The following PNMT variants were observed in gnomAD, a reference collection of about 807,000 sequenced individuals.
The protein encoded by PNMT is noradrenaline N-methyltransferase.
In PNMT, 18 loss-of-function variants were observed where a neutral mutation model predicts 18.9. The observed-to-expected ratio is 0.95, with a 90% confidence interval of 0.66 to 1.41. The LOEUF is 1.41. PNMT is among the 40% of genes most tolerant of loss of function. The pLI is 0.00. For missense variants in PNMT, 378 were observed against 387.0 expected, an observed-to-expected ratio of 0.98 and a Z score of 0.20; for synonymous variants, 167 against 168.6, an observed-to-expected ratio of 0.99 and a Z score of 0.08.
intron 1 of PNMT, 90 bp downstream of exon 1, chr17:39,668,767 G>C (rs2057275224): frequency 4.7e-6 from 5 of 1,066,770 alleles, no homozygotes; most frequent in South Asian, 3.2e-5. Flanking sequence ...AAGGGAGACA[G>C]ACCAGGCGCC....
At position 39,669,625 on chromosome 17, in the gene PNMT, C is replaced by T. The variant is rs13306008; in HGVS notation, c.203-4C>T. ...CCAGGACCCTCTTCCTCTGCCCTGC[C>T]CAGGTGAAGTGTCCGGACGCACCCT... is the stretch of plus-strand genomic sequence containing the variant. On this transcript the variant is annotated splice_region_variant and splice_polypyrimidine_tract_variant and intron_variant, in intron 1 of 2. Transcript: ENST00000269582. The T allele has an allele frequency of 3.3e-5, 54 of 1,613,302 alleles. No homozygotes were observed. In the East Asian group the frequency reaches 1.2e-3, roughly 35 times the overall value.
chr17:39,668,370 C>G, upstream of PNMT: 2 of 936,700 alleles, frequency 2.1e-6, no homozygotes, highest in Non-Finnish European at 2.9e-6. Flanking sequence ...CCGGGCGGCT[C>G]GGCGGTCAGC....
rs2057273911 is a variant in PNMT at position 39,668,600 on chromosome 17, C to G, written c.125C>G (p.Pro42Arg). The G allele has an allele frequency of 1.2e-6, 2 of 1,604,004 alleles. No homozygotes were observed. The highest frequency in any genetic ancestry group is 3.3e-5 in the Admixed American group (2 of 59,706). ...GCCTACCTCCGCAACAACTACGCGC[C>G]CCCTCGCGGGGACCTGTGCAACCCG... Reference protein sequence around the residue: ...PRAYLRNNYAPPRGDLCNPNG... With the variant: ...PRAYLRNNYARPRGDLCNPNG... The change falls in exon 1 of 3, where the codon CCC becomes CGC. Residue 42 changes from proline (P) to arginine (R), a missense_variant. Coordinates refer to ENST00000269582, the MANE Select transcript of PNMT (RefSeq NM_002686.4).
Position 39,670,260 on chromosome 17 carries a change from G to C in PNMT, c.720G>C (p.Arg240Ser), listed in dbSNP as rs2057288435. The C allele has an allele frequency of 6.2e-7, 1 of 1,609,482 alleles. No individual in the cohort carries two copies. Among genetic ancestry groups the C allele is most frequent in the South Asian group, 1.1e-5 (1 of 90,398 alleles). Residue 240 changes from arginine (R) to serine (S), a missense_variant, in exon 3 of 3, where the codon AGG (arginine) becomes AGC (serine). Physicochemically the swap from Arg to Ser is moderately radical, Grantham distance 110. Transcript: ENST00000269582. ...TVVPVSEEEV[R>S]EALVRSGYKV... ...TGCCAGTGTCTGAGGAGGAGGTGAG[G>C]GAGGCCCTGGTGCGTAGTGGCTACA... is the stretch of plus-strand genomic sequence containing the variant.
In PNMT at chr17:39,669,303, G is replaced by A. The variant is rs564391893; in HGVS notation, c.203-326G>A. ...TCTCCATGTTGGTCAGGCTGGTCTC[G>A]AACTCCCAACCTTAGGATCCACCCA... is the stretch of plus-strand genomic sequence containing the variant. On this transcript the variant is annotated intron_variant, in intron 1 of 2. Transcript: ENST00000269582. Among the ~76,000 whole-genome samples, 4 of 152,100 alleles carry A rather than the reference G, an allele frequency of 2.6e-5. No homozygotes were observed. The South Asian group carries it at 8.3e-4, about 32-fold the overall frequency.
At chr17:39,668,765 C>A in intron 1 of PNMT, 88 bp downstream of exon 1, 1 of 1,084,732 alleles carries the variant, frequency 9.2e-7, no homozygotes, top group Non-Finnish European at 1.3e-6. Context: ...GAAAGGGAGA[C>A]AGACCAGGCG....
In PNMT at chr17:39,670,097, C is replaced by A; in HGVS notation, c.557C>A (p.Ala186Asp). 6.2e-7 allele frequency: 1 copy of A among 1,610,104 alleles called. No homozygotes were observed. The change falls in exon 3 of 3, where the codon GCT (alanine) becomes GAT (aspartate). Residue 186 changes from alanine to aspartate, a missense_variant. Ala to Asp is a moderately radical substitution (Grantham distance 126). Transcript: ENST00000269582. ...DALVSAFCLEAVSPDLASFQR... is the reference protein window; with the variant it reads ...DALVSAFCLEDVSPDLASFQR... ...CTGGTCTCTGCCTTCTGCTTGGAGGCTGTGAGCCCAGATCTTGCCAGCTTT... is the reference window on the plus strand; with the variant it reads ...CTGGTCTCTGCCTTCTGCTTGGAGGATGTGAGCCCAGATCTTGCCAGCTTT...
In PNMT at chr17:39,670,263, G is replaced by C. The variant is rs1183805156; in HGVS notation, c.723G>C (p.Glu241Asp). 6.2e-7 allele frequency: 1 copy of C among 1,609,612 alleles called. No individual in the cohort carries two copies. The highest frequency in any genetic ancestry group is 1.3e-5 in the African/African-American group (1 of 74,832). The change falls in exon 3 of 3, where the codon GAG becomes GAC. Residue 241 changes from glutamate to aspartate, a missense_variant. Physicochemically the swap from Glu to Asp is conservative, Grantham distance 45. Coordinates refer to ENST00000269582, the MANE Select transcript of PNMT (RefSeq NM_002686.4). ...CAGTGTCTGAGGAGGAGGTGAGGGA[G>C]GCCCTGGTGCGTAGTGGCTACAAGG... ...VVPVSEEEVR[E>D]ALVRSGYKVR...
chr17:39,670,039 G>C lies in PNMT; in HGVS notation c.499G>C (p.Ala167Pro), dbSNP rs1444125569. 1 of 1,606,460 alleles carries C rather than the reference G, an allele frequency of 6.2e-7. No homozygotes were observed. Among genetic ancestry groups the C allele is most frequent in the Admixed American group, 1.7e-5 (1 of 60,016 alleles). The stretch of plus-strand genomic sequence containing the variant: ...CGTGCACCAGCCCCAGCCCCTGGGT[G>C]CTGGGAGCCCAGCTCCCCTGCCTGC... ...IDVHQPQPLG[A>P]GSPAPLPADA... Residue 167 changes from alanine to proline, a missense_variant, in exon 3 of 3, where the codon GCT becomes CCT. Physicochemically the swap from Ala to Pro is conservative, Grantham distance 27. Coordinates refer to ENST00000269582, the MANE Select transcript of PNMT (RefSeq NM_002686.4).
At chr17:39,668,374 G>A, upstream of PNMT, 1 of 996,688 alleles carries the variant, frequency 1.0e-6, no homozygotes, top group Non-Finnish European at 1.3e-6. Flanking sequence ...GCGGCTCGGC[G>A]GTCAGCTGCC....
rs1156601187 is a variant in PNMT, at chr17:39,668,459, C to A, written c.-17C>A. ...GCCGCGAGGCGAGCGGGGCACTGGG[C>A]GGACCGCGGCGGCAGCATGAGCGGC... On this transcript the variant is annotated 5_prime_UTR_variant, in exon 1 of 3. Coordinates refer to ENST00000269582, the MANE Select transcript of PNMT (RefSeq NM_002686.4). The A allele has an allele frequency of 2.2e-6, 3 of 1,391,012 alleles. No individual in the cohort carries two copies. The African/African-American group carries it at 4.5e-5, about 21-fold the overall frequency. 86.2% of individuals were successfully genotyped at this position (1,391,012 alleles called of 1,614,324 possible).
intron 1 of PNMT, 42 bp downstream of exon 1, chr17:39,668,719 G>T: frequency 6.7e-7 from 1 of 1,485,210 alleles, no homozygotes; most frequent in Non-Finnish European, 9.2e-7. Flanking sequence ...AGAGGTCGTC[G>T]GGGAGTGAAA....
At position 39,670,442 on chromosome 17, in the gene PNMT, G is replaced by T; in HGVS notation, c.*53G>T. 1 of 1,363,244 alleles carries T rather than the reference G, an allele frequency of 7.3e-7. No individual in the cohort carries two copies. Among genetic ancestry groups the T allele is most frequent in the South Asian group, 1.4e-5 (1 of 70,354 alleles). 84.4% of individuals were successfully genotyped at this position (1,363,244 alleles called of 1,614,324 possible). A position where few individuals can be genotyped will look rare whatever the true frequency, so the allele number is the denominator to read the frequency against. On this transcript the variant is annotated 3_prime_UTR_variant, in exon 3 of 3. Transcript: ENST00000269582. ...CACCCACCTGGATTCCCTGTTCTTTGAAGTGGCACCTAATAAAGAAATAAT... is the reference window on the plus strand; with the variant it reads ...CACCCACCTGGATTCCCTGTTCTTTTAAGTGGCACCTAATAAAGAAATAAT...
Position 39,670,302 on chromosome 17 carries a change from C to A in PNMT, c.762C>A (p.Arg254=). Residue 254 remains arginine (R), a synonymous_variant, in exon 3 of 3, where the codon CGC becomes CGA. Transcript: ENST00000269582. ...GTGGCTACAAGGTCCGGGACCTCCGCACCTATATCATGCCTGCCCACCTTC... is the reference window on the plus strand; with the variant it reads ...GTGGCTACAAGGTCCGGGACCTCCGAACCTATATCATGCCTGCCCACCTTC... The part of the protein sequence containing the change: ...VRSGYKVRDL[R]TYIMPAHLQT... 6.2e-7 allele frequency: 1 copy of A among 1,610,752 alleles called. No individual in the cohort carries two copies.
In PNMT at chr17:39,668,489, A is replaced by C. The variant is rs1279697352; in HGVS notation, c.14A>C (p.Asp5Ala). The C allele has an allele frequency of 2.7e-6, 4 of 1,502,962 alleles. No homozygotes were observed. Among genetic ancestry groups the C allele is most frequent in the Admixed American group, 2.1e-5 (1 of 47,444 alleles). 93.1% of individuals were successfully genotyped at this position (1,502,962 alleles called of 1,614,324 possible). MSGA[D>A]RSPNAGAAPD... ...CGCGGCGGCAGCATGAGCGGCGCAG[A>C]CCGTAGCCCCAATGCGGGCGCAGCC... Residue 5 changes from aspartate (D) to alanine (A), a missense_variant, in exon 1 of 3, where the codon GAC (aspartate) becomes GCC (alanine). Asp to Ala is a moderately radical substitution (Grantham distance 126). Transcript: ENST00000269582.
rs1328865950 is a variant in PNMT at position 39,668,534 on chromosome 17, A to G, written c.59A>G (p.Gln20Arg). The change falls in exon 1 of 3, where the codon CAG becomes CGG. Residue 20 changes from glutamine to arginine, a missense_variant. Physicochemically the swap from Gln to Arg is conservative, Grantham distance 43. Transcript: ENST00000269582. ...GCAGCCCCTGACTCGGCCCCGGGCC[A>G]GGCGGCGGTGGCTTCGGCCTACCAG... is the stretch of plus-strand genomic sequence containing the variant. ...AGAAPDSAPG[Q>R]AAVASAYQRF... The G allele has an allele frequency of 4.5e-6, 7 of 1,545,928 alleles. No individual in the cohort carries two copies. Among genetic ancestry groups the G allele is most frequent in the Non-Finnish European group, 6.1e-6 (7 of 1,151,988 alleles).
intron 1 of PNMT, among the ~76,000 whole-genome samples, 176 bp from the exon 2 acceptor site, chr17:39,669,453 G>GT (rs2057279808): frequency 6.6e-6 from 1 of 152,224 alleles, no homozygotes; most frequent in South Asian, 2.1e-4. Context: ...GGCAGCCCAT[G>GT]TTGGAGCTGG....
chr17:39,668,361 C>G (rs1438645901), upstream of PNMT: 1 of 802,842 alleles, frequency 1.2e-6, no homozygotes, highest in Non-Finnish European at 1.8e-6. Flanking sequence ...CACATGGCCC[C>G]GGGCGGCTCG....
Position 39,669,974 on chromosome 17 carries a change from G to T in PNMT, c.434G>T (p.Arg145Leu). The change falls in exon 3 of 3, where the codon CGC (arginine) becomes CTC (leucine). Residue 145 changes from arginine to leucine, a missense_variant. Transcript: ENST00000269582. ...GKGECWQDKE[R>L]QLRARVKRVL... ...AGGGAATGCTGGCAGGATAAGGAGCGCCAGCTGCGAGCCAGGGTGAAACGG... is the reference window on the plus strand; with the variant it reads ...AGGGAATGCTGGCAGGATAAGGAGCTCCAGCTGCGAGCCAGGGTGAAACGG... 3 of 1,601,270 alleles carry T rather than the reference G, an allele frequency of 1.9e-6. No homozygotes were observed. The East Asian group carries it at 6.7e-5, about 36-fold the overall frequency.
Sources: allele counts gnomAD v4.1 joint callset (sites outside exome capture counted in the v4.1 genomes callset), GRCh38; gene constraint gnomAD v4.1.1; transcripts MANE v1.5; gene names NCBI Gene and HGNC (gene_info 2026-07-23, HGNC 2026-07-21).